Variants in CEP112 observed in about 807,000 individuals in gnomAD.
CEP112 encodes the protein centrosomal protein 112.
A neutral mutation model predicts 153.0 loss-of-function variants in CEP112; 127 were observed. The ratio of observed to expected loss-of-function variants is 0.83; its 90% CI spans 0.72 to 0.96. The LOEUF (loss-of-function observed/expected upper bound fraction) is 0.96, where lower values mean the gene tolerates loss of function less well. Ranked by LOEUF, CEP112 falls within the 40% of genes least tolerant of loss-of-function variation. CEP112 has a pLI of 0.00. For missense variants in CEP112, 1,089 were observed against 1,101.2 expected (o/e 0.99, Z 0.16); for synonymous variants, 358 against 374.4 (o/e 0.96, Z 0.51).
intron 5 of CEP112, among the ~76,000 whole-genome samples, chr17:66,132,059 C>T (rs2070194829): frequency 6.7e-6 from 1 of 149,018 alleles, no homozygotes; most frequent in Non-Finnish European, 1.5e-5. Flanking sequence ...GTCTCAGCTA[C>T]TTGGGAGGCT....
intron 20 of CEP112, among the ~76,000 whole-genome samples, chr17:65,894,871 C>G (rs890423738): frequency 3.9e-5 from 6 of 152,010 alleles, no homozygotes; most frequent in African/African-American, 1.4e-4. Flanking sequence ...TTAAGGATTG[C>G]ATATCTCTTT....
At chr17:65,937,429 G>GCGA (rs1316537182) in intron 18 of CEP112, among the ~76,000 whole-genome samples, 2 of 93,858 alleles carry the variant, frequency 2.1e-5, no homozygotes, top group African/African-American at 3.8e-5. Flanking sequence ...CTGCCCCACC[G>GCGA]CCCCGTCTGG....
At chr17:65,720,556 C>A (rs1435245181) in intron 23 of CEP112, among the ~76,000 whole-genome samples, 1 of 152,150 alleles carries the variant, frequency 6.6e-6, no homozygotes, top group East Asian at 1.9e-4. Context: ...AAGGATGTCA[C>A]TGGCAACCGG....
At chr17:66,089,690 A>G (rs960620505) in intron 8 of CEP112, among the ~76,000 whole-genome samples, 9 of 152,152 alleles carry the variant, frequency 5.9e-5, no homozygotes, top group African/African-American at 2.2e-4. Flanking sequence ...CGTATGGGAC[A>G]GGATCAAAAG....
chr17:65,890,753 G>GA (rs1319831326), intron 20 of CEP112, among the ~76,000 whole-genome samples: 4 of 152,060 alleles, frequency 2.6e-5, no homozygotes, highest in Admixed American at 6.6e-5. Context: ...CCATACCAAA[G>GA]AATGGTAAAG....
intron 21 of CEP112, among the ~76,000 whole-genome samples, chr17:65,829,247 T>G (rs967556224): frequency 4.6e-5 from 7 of 152,242 alleles, no homozygotes; most frequent in African/African-American, 1.4e-4. Context: ...TGTCTCATAA[T>G]GTATTCAATT....
At chr17:65,650,897 C>CT (rs570279238) in intron 24 of CEP112, among the ~76,000 whole-genome samples, 144 of 151,578 alleles carry the variant, frequency 9.5e-4, no homozygotes, top group Non-Finnish European at 1.7e-3. Context: ...CTCTCGCTCT[C>CT]TTTTTTTTCT....
At chr17:65,882,674 C>A (rs1270351250) in intron 20 of CEP112, among the ~76,000 whole-genome samples, 1 of 152,154 alleles carries the variant, frequency 6.6e-6, no homozygotes, top group East Asian at 1.9e-4. Flanking sequence ...CTGGAAGACA[C>A]AAACATGCAC....
chr17:66,066,665 C>T (rs559116378), intron 10 of CEP112, 113 bp downstream of exon 10: 5 of 665,310 alleles, frequency 7.5e-6, no homozygotes, highest in Admixed American at 8.4e-5. Context: ...TGAAACCCCA[C>T]ATAAACATTC....
chr17:65,960,200 A>C (rs988303669), intron 18 of CEP112, among the ~76,000 whole-genome samples: 2 of 152,210 alleles, frequency 1.3e-5, no homozygotes, highest in African/African-American at 4.8e-5. Context: ...AGGGGAGCTG[A>C]TAAAATATAC....
At chr17:65,706,412 A>G (rs1208186904) in intron 23 of CEP112, among the ~76,000 whole-genome samples, 2 of 152,214 alleles carry the variant, frequency 1.3e-5, no homozygotes, top group Non-Finnish European at 2.9e-5. Flanking sequence ...TGAAAAGAGG[A>G]GGCCAGAGCA....
chr17:66,114,999 GT>G (rs2069219249), intron 6 of CEP112, among the ~76,000 whole-genome samples: 1 of 152,086 alleles, frequency 6.6e-6, no homozygotes, highest in African/African-American at 2.4e-5. Context: ...GAGGTCAGGA[GT>G]TTGAGACCAG....
intron 23 of CEP112, among the ~76,000 whole-genome samples, chr17:65,727,153 C>T (rs1489329254): frequency 1.3e-5 from 2 of 152,170 alleles, no homozygotes; most frequent in African/African-American, 4.8e-5. Context: ...TCATTGACCA[C>T]GTTTTCAAAA....
chr17:65,973,570 G>A (rs1266495385), intron 17 of CEP112, among the ~76,000 whole-genome samples: 1 of 152,188 alleles, frequency 6.6e-6, no homozygotes, highest in African/African-American at 2.4e-5. Context: ...ACACACTTGT[G>A]AGCGTGGTGA....
intron 21 of CEP112, among the ~76,000 whole-genome samples, chr17:65,786,693 C>T (rs1249674328): frequency 2.7e-5 from 4 of 150,484 alleles, no homozygotes; most frequent in African/African-American, 7.3e-5. Flanking sequence ...CTCAAGCTAT[C>T]CTGCTGCCTC....
At position 65,758,355 on chromosome 17, in the gene CEP112, T is replaced by C. The variant is rs370147077; in HGVS notation, c.2395-7631A>G. Among the ~76,000 whole-genome samples, 11 of 152,270 alleles carry C rather than the reference T, an allele frequency of 7.2e-5. No individual in the cohort carries two copies. In the East Asian group the frequency reaches 1.4e-3, roughly 19 times the overall value. On this transcript the variant is annotated intron_variant, in intron 21 of 26. Coordinates refer to ENST00000535342, the MANE Select transcript of CEP112 (RefSeq NM_001199165.4). ...TCTCCTTATTAAAGAGCCCAATGTA[T>C]TGGTTCACTTTTAATTCCTAACAAA...
intron 21 of CEP112, among the ~76,000 whole-genome samples, chr17:65,804,221 A>C (rs1182541123): frequency 1.3e-5 from 2 of 152,194 alleles, no homozygotes; most frequent in Non-Finnish European, 2.9e-5. Context: ...AACACAAGAG[A>C]AGCTTTGTAT....
intron 21 of CEP112, among the ~76,000 whole-genome samples, chr17:65,789,293 T>G (rs572887534): frequency 6.6e-6 from 1 of 152,194 alleles, no homozygotes; most frequent in South Asian, 2.1e-4. Flanking sequence ...CTCTCCTGAA[T>G]TTTTCTAGTA....
chr17:65,697,442 T>A (rs529986005), intron 23 of CEP112, among the ~76,000 whole-genome samples: 3 of 152,322 alleles, frequency 2.0e-5, no homozygotes, highest in Admixed American at 2.0e-4. Flanking sequence ...AAACAGTAAA[T>A]GTTTTTCTTT....
Sources: gnomAD v4.1 joint callset for allele counts (sites outside exome capture counted in the v4.1 genomes callset) on GRCh38, gnomAD v4.1.1 for gene constraint, MANE v1.5 for transcripts, NCBI Gene and HGNC (gene_info 2026-07-23, HGNC 2026-07-21) for gene names.